The following CHRNA2 variants were observed in gnomAD, a reference collection of about 807,000 sequenced individuals.
The protein encoded by CHRNA2 is cholinergic receptor nicotinic alpha 2 subunit.
Under a neutral mutation model 45.5 loss-of-function variants are expected in CHRNA2, and 40 were observed. The ratio of observed to expected loss-of-function variants is 0.88; its 90% CI spans 0.68 to 1.15. The LOEUF is 1.15. CHRNA2 is among the 50% of genes most tolerant of loss of function. The pLI, the probability that CHRNA2 is intolerant of heterozygous loss-of-function variation, is 0.00. For missense variants in CHRNA2, 655 were observed against 701.7 expected, an observed-to-expected ratio of 0.93 and a Z score of 0.75; for synonymous variants, 301 against 296.7, an observed-to-expected ratio of 1.01 and a Z score of -0.15.
rs1586396014 is a variant in CHRNA2 at position 27,467,575 on chromosome 8, T to C, written c.340-237A>G. The C allele has an allele frequency of 1.9e-5, 10 of 522,822 alleles. No homozygotes were observed. The East Asian group carries it at 3.5e-4, about 18-fold the overall frequency. The allele number at this position is 522,822 out of a possible 1,614,324, so 32.4% of individuals were successfully genotyped here. A position where few individuals can be genotyped will look rare whatever the true frequency, so the allele number is the denominator to read the frequency against. ...AGTCAAGGTCCCGGGCACATGAAGT[T>C]CACCCTTGTCCTGCCTCTAGTCCTC... On this transcript the variant is annotated intron_variant, in intron 4 of 6. Transcript: ENST00000407991.
rs1812484657 is a variant in CHRNA2, at chr8:27,461,507, T to C, written c.*122A>G. The C allele has an allele frequency of 4.4e-6, 6 of 1,353,348 alleles. No homozygotes were observed. In the East Asian group the frequency reaches 1.4e-4, roughly 32 times the overall value. The allele number at this position is 1,353,348 out of a possible 1,614,324, so 83.8% of individuals were successfully genotyped here. ...TGGAAGCCTGCAATCCCTGGGTCAG[T>C]GTCCAGACTCCGCGGAGAGGCACCT... On this transcript the variant is annotated 3_prime_UTR_variant, in exon 7 of 7. Transcript: ENST00000407991.
intron 6 of CHRNA2, among the ~76,000 whole-genome samples, 184 bp from the exon 7 acceptor site, chr8:27,461,938 C>T (rs1389219545): frequency 6.6e-6 from 1 of 152,152 alleles, no homozygotes; most frequent in African/African-American, 2.4e-5. Context: ...TGTTTCAAGG[C>T]TCCAGTAAGC....
At position 27,469,339 on chromosome 8, in the gene CHRNA2, T is replaced by C; in HGVS notation, c.335A>G (p.Lys112Arg). 6.4e-7 allele frequency: 1 copy of C among 1,555,916 alleles called. No individual in the cohort carries two copies. The highest frequency in any genetic ancestry group is 1.2e-5 in the South Asian group (1 of 84,440). ...NQMMTTNVWL[K>R]QEWSDYKLRW... ...CTGGAGGAGGGGGGCCCTCACCTGT[T>C]TTAGCCAGACGTTGGTGGTCATCAT... The change falls in exon 4 of 7, where the codon AAA becomes AGA. Residue 112 changes from lysine (K) to arginine (R), a missense_variant. Lys to Arg is a conservative substitution (Grantham distance 26). Around this residue, in one of 3 missense-constraint regions of CHRNA2, gnomAD observed 323 missense variants for 354.4 expected, o/e 0.91. Transcript: ENST00000407991.
At chr8:27,473,930 C>A (rs1341395227) in intron 1 of CHRNA2, among the ~76,000 whole-genome samples, 1 of 152,196 alleles carries the variant, frequency 6.6e-6, no homozygotes, top group Non-Finnish European at 1.5e-5. Flanking sequence ...AGGGCTGGCA[C>A]TGGCAAATGT....
At chr8:27,474,961 CAG>C (rs1813016686) in intron 1 of CHRNA2, among the ~76,000 whole-genome samples, 1 of 152,204 alleles carries the variant, frequency 6.6e-6, no homozygotes, top group Non-Finnish European at 1.5e-5. Flanking sequence ...AACTGATTTC[CAG>C]AGACAGCTTT....
At chr8:27,468,213 A>C (rs891478177) in intron 4 of CHRNA2, among the ~76,000 whole-genome samples, 1 of 152,096 alleles carries the variant, frequency 6.6e-6, no homozygotes, top group Non-Finnish European at 1.5e-5. Context: ...TTGCCCTGCC[A>C]CCCCAACCCT....
At chr8:27,464,458 G>A (rs1228549925) in intron 5 of CHRNA2, among the ~76,000 whole-genome samples, 1 of 152,086 alleles carries the variant, frequency 6.6e-6, no homozygotes, top group Non-Finnish European at 1.5e-5. Flanking sequence ...CGCCACGGGG[G>A]AGAAGGAGAT....
chr8:27,461,729 G>A lies in CHRNA2; in HGVS notation c.1490C>T (p.Ala497Val). The A allele has an allele frequency of 6.2e-7, 1 of 1,614,196 alleles. No homozygotes were observed. The highest frequency in any genetic ancestry group is 8.5e-7 in the Non-Finnish European group (1 of 1,180,010). Reference protein sequence around the residue: ...SSVKEDWKYVAMVIDRIFLWL... With the variant: ...SSVKEDWKYVVMVIDRIFLWL... ...GAGGAAGATCCTGTCGATGACCATG[G>A]CAACATACTTCCAGTCCTCCTTCAC... Residue 497 changes from alanine (A) to valine (V), a missense_variant, in exon 7 of 7, where the codon GCC (alanine) becomes GTC (valine). This residue lies in a region of CHRNA2 where 295 missense variants were observed against 280.4 expected (regional missense o/e 1.05). Transcript: ENST00000407991.
chr8:27,475,495 G>C (rs886803354), intron 1 of CHRNA2: 2 of 153,938 alleles, frequency 1.3e-5, no homozygotes, highest in Non-Finnish European at 2.9e-5. Context: ...TCCTAGAATA[G>C]TCAAATTCAT....
Position 27,471,097 on chromosome 8 carries a change from G to T in CHRNA2, c.-39C>A, listed in dbSNP as rs772665352. 1.2e-5 allele frequency: 19 copies of T among 1,580,408 alleles called. No individual in the cohort carries two copies. Among genetic ancestry groups the T allele is most frequent in the Non-Finnish European group, 1.5e-5 (17 of 1,150,064 alleles). On this transcript the variant is annotated 5_prime_UTR_variant, in exon 2 of 7. Coordinates refer to ENST00000407991, the MANE Select transcript of CHRNA2 (RefSeq NM_000742.4). Reference sequence around the variant, plus strand: ...CATCAGGAGGTCAGGTCAGGGCTTTGCTGTGGGTTGCACCATGGACCATGT... The same window carrying T: ...CATCAGGAGGTCAGGTCAGGGCTTTTCTGTGGGTTGCACCATGGACCATGT...
At position 27,471,227 on chromosome 8, in the gene CHRNA2, A is replaced by G. The variant is rs1046239250; in HGVS notation, c.-136-33T>C. The stretch of plus-strand genomic sequence containing the variant: ...AGCCCAAGAAAGGGCTCTTAGGGTC[A>G]TGCATCCTTGACATAGGCATATTTC... On this transcript the variant is annotated intron_variant, in intron 1 of 6. Coordinates refer to ENST00000407991, the MANE Select transcript of CHRNA2 (RefSeq NM_000742.4). The G allele has an allele frequency of 6.1e-6, 4 of 653,278 alleles. No homozygotes were observed. The East Asian group carries it at 1.1e-4, about 19-fold the overall frequency. 40.5% of individuals were successfully genotyped at this position (653,278 alleles called of 1,614,324 possible). A position where few individuals can be genotyped will look rare whatever the true frequency, so the allele number is the denominator to read the frequency against.
rs550601339 is a variant in CHRNA2, at chr8:27,469,465, C to A, written c.295-86G>T. The A allele has an allele frequency of 5.7e-6, 8 of 1,395,604 alleles. No homozygotes were observed. The East Asian group carries it at 1.2e-4, about 22-fold the overall frequency. The allele number at this position is 1,395,604 out of a possible 1,614,324, so 86.5% of individuals were successfully genotyped here. A position where few individuals can be genotyped will look rare whatever the true frequency, so the allele number is the denominator to read the frequency against. On this transcript the variant is annotated intron_variant, in intron 3 of 6. Transcript: ENST00000407991. The stretch of plus-strand genomic sequence containing the variant: ...TGGAGTGGGATGGGCTGTTTTCAGA[C>A]CCTCTGATAGGACACCCCAAGCCCA...
At chr8:27,464,957 C>A (rs1030586350) in intron 5 of CHRNA2, among the ~76,000 whole-genome samples, 1 of 152,146 alleles carries the variant, frequency 6.6e-6, no homozygotes, top group Non-Finnish European at 1.5e-5. Context: ...TGGGTGCTCC[C>A]CAGACCCTTT....
In CHRNA2 at chr8:27,463,466, G is replaced by A. The variant is rs2132652318; in HGVS notation, c.977C>T (p.Pro326Leu). The A allele has an allele frequency of 6.2e-7, 1 of 1,614,192 alleles. No individual in the cohort carries two copies. The highest frequency in any genetic ancestry group is 8.5e-7 in the Non-Finnish European group (1 of 1,180,040). Reference sequence around the variant, plus strand: ...GAACAGCAGGTACTCGCCGATGAGCGGGATGACCAGCGAGGTGGACGGGAT... The same window carrying A: ...GAACAGCAGGTACTCGCCGATGAGCAGGATGACCAGCGAGGTGGACGGGAT... ...EIIPSTSLVI[P>L]LIGEYLLFTM... Residue 326 changes from proline to leucine, a missense_variant, in exon 6 of 7, where the codon CCG becomes CTG. By Grantham distance (98) the Pro-to-Leu change is moderately conservative. Transcript: ENST00000407991. The surrounding 1 kb of genome is among the most constrained non-coding windows in gnomAD (Gnocchi z 6.1).
intron 5 of CHRNA2, among the ~76,000 whole-genome samples, chr8:27,465,467 C>G (rs921938652): frequency 6.6e-6 from 1 of 152,098 alleles, no homozygotes; most frequent in Admixed American, 6.5e-5. Context: ...GAATCTCACT[C>G]TGTTATCGGG....
At chr8:27,474,046 T>C (rs1400678040) in intron 1 of CHRNA2, among the ~76,000 whole-genome samples, 1 of 152,154 alleles carries the variant, frequency 6.6e-6, no homozygotes, top group African/African-American at 2.4e-5. Flanking sequence ...TTCTGCCCTG[T>C]GGGAGGAGTG....
chr8:27,474,217 G>A (rs945559077), intron 1 of CHRNA2, among the ~76,000 whole-genome samples: 1 of 152,120 alleles, frequency 6.6e-6, no homozygotes, highest in Non-Finnish European at 1.5e-5. Context: ...ATGTGGGAAG[G>A]ATTTGATGTG....
chr8:27,463,050 G>GGGGT lies in CHRNA2; in HGVS notation c.1389_1392dup (p.His465ThrfsTer20). 6.2e-7 allele frequency: 1 copy of GGGGT among 1,613,798 alleles called. No individual in the cohort carries two copies. The highest frequency in any genetic ancestry group is 8.5e-7 in the Non-Finnish European group (1 of 1,179,740). ...ACACCTTCCAGTGCCTTCTGCATGTGGGGTGATAGCAGCAGCTCACCCTCC... is the reference window on the plus strand; with the variant it reads ...ACACCTTCCAGTGCCTTCTGCATGTGGGGTGGGTGATAGCAGCAGCTCACCCTCC... On this transcript the variant is annotated frameshift_variant, in exon 6 of 7. Coordinates refer to ENST00000407991, the MANE Select transcript of CHRNA2 (RefSeq NM_000742.4). LOFTEE classifies it high-confidence loss of function. The surrounding 1 kb of genome is among the most constrained non-coding windows in gnomAD (Gnocchi z 6.1).
Position 27,463,726 on chromosome 8 carries a change from G to A in CHRNA2, c.717C>T (p.Thr239=), listed in dbSNP as rs1484589569. 5.0e-6 allele frequency: 8 copies of A among 1,613,906 alleles called. No homozygotes were observed. The highest frequency in any genetic ancestry group is 6.8e-6 in the Non-Finnish European group (8 of 1,179,996). Residue 239 remains threonine (T), a synonymous_variant, in exon 6 of 7, where the codon ACC becomes ACT. Coordinates refer to ENST00000407991, the MANE Select transcript of CHRNA2 (RefSeq NM_000742.4). The surrounding 1 kb of genome is among the most constrained non-coding windows in gnomAD (Gnocchi z 6.1). ...GEWAIVNATG[T]YNSKKYDCCA... ...AGCAGTCGTACTTCTTGCTGTTGTA[G>A]GTGCCCGTGGCATTGACGATGGCCC...
Sources: allele counts gnomAD v4.1 joint callset (sites outside exome capture counted in the v4.1 genomes callset), GRCh38; gene constraint gnomAD v4.1.1; regional missense constraint gnomAD v4.1.1; non-coding constraint Gnocchi (gnomAD v3.1); transcripts MANE v1.5; gene names NCBI Gene and HGNC (gene_info 2026-07-23, HGNC 2026-07-21).